Variants in FSTL5 observed in about 807,000 individuals in gnomAD.
The protein encoded by FSTL5 is follistatin like 5.
FSTL5 carries 62 observed loss-of-function variants against 89.1 expected under a neutral mutation model. The ratio of observed to expected loss-of-function variants is 0.70; its 90% CI spans 0.57 to 0.86. The LOEUF (loss-of-function observed/expected upper bound fraction) is 0.86, where lower values mean the gene tolerates loss of function less well. Among genes scored for constraint, FSTL5 ranks in the 40% least tolerant of loss-of-function variants. FSTL5 has a pLI of 0.00. For missense variants in FSTL5, 1,057 were observed against 1,001.6 expected (o/e 1.06, Z -0.75); for synonymous variants, 383 against 346.2 (o/e 1.11, Z -1.18).
At chr4:161,696,270 A>G (rs1738162274) in intron 6 of FSTL5, among the ~76,000 whole-genome samples, 1 of 152,048 alleles carries the variant, frequency 6.6e-6, no homozygotes, top group Admixed American at 6.6e-5. Flanking sequence ...ATTGGCTGTA[A>G]GTATTTGGGT....
At chr4:161,456,069 G>C (rs558458220) in intron 14 of FSTL5, among the ~76,000 whole-genome samples, 2 of 152,088 alleles carry the variant, frequency 1.3e-5, no homozygotes, top group African/African-American at 4.8e-5. Context: ...TACTTTCATT[G>C]AGTTCCATCG....
intron 15 of FSTL5, among the ~76,000 whole-genome samples, chr4:161,437,062 T>G (rs1426200086): frequency 6.6e-6 from 1 of 152,136 alleles, no homozygotes; most frequent in African/African-American, 2.4e-5. Context: ...AGTTATGCTA[T>G]TATAAAAGCT....
At chr4:161,934,995 A>G (rs1022770961) in intron 3 of FSTL5, among the ~76,000 whole-genome samples, 1 of 152,172 alleles carries the variant, frequency 6.6e-6, no homozygotes, top group Non-Finnish European at 1.5e-5. Flanking sequence ...AGATGGTTCA[A>G]TTATGGTGCA....
intron 4 of FSTL5, among the ~76,000 whole-genome samples, chr4:161,803,796 G>T (rs560919602): frequency 2.6e-5 from 4 of 152,026 alleles, no homozygotes; most frequent in Non-Finnish European, 4.4e-5. Flanking sequence ...CAACTCAACT[G>T]TATTATCTGA....
chr4:161,569,173 A>G (rs1032314773), intron 8 of FSTL5, among the ~76,000 whole-genome samples: 1 of 152,150 alleles, frequency 6.6e-6, no homozygotes, highest in African/African-American at 2.4e-5. Flanking sequence ...TGGAGATGAG[A>G]TCTCACTATG....
At chr4:161,712,407 T>C (rs969918706) in intron 6 of FSTL5, among the ~76,000 whole-genome samples, 2 of 152,168 alleles carry the variant, frequency 1.3e-5, no homozygotes, top group African/African-American at 4.8e-5. Context: ...AATTTGACCA[T>C]GGGATTAACC....
chr4:162,106,981 A>C (rs1033121267), intron 2 of FSTL5, among the ~76,000 whole-genome samples: 1 of 152,202 alleles, frequency 6.6e-6, no homozygotes, highest in Non-Finnish European at 1.5e-5. Context: ...ATCCAATGTG[A>C]ATTATGATAT....
rs1394869228 is a variant in FSTL5, at chr4:161,741,609, C to A, written c.727+17802G>T. 3.3e-5 allele frequency among the ~76,000 whole-genome samples: 5 copies of A among 151,724 alleles called. No individual in the cohort carries two copies. In the East Asian group the frequency reaches 9.7e-4, roughly 29 times the overall value. On this transcript the variant is annotated intron_variant, in intron 6 of 15. Coordinates refer to ENST00000306100, the MANE Select transcript of FSTL5 (RefSeq NM_020116.5). ...TTCCAGATCTAAGGAATCCTCCAAC[C>A]TAATGAAGAATGAAGCAAAATACAC...
chr4:161,982,340 A>G (rs2111051760), intron 3 of FSTL5, among the ~76,000 whole-genome samples: 1 of 152,328 alleles, frequency 6.6e-6, no homozygotes, highest in African/African-American at 2.4e-5. Context: ...TATTCATAGG[A>G]AATTGAAACC....
intron 15 of FSTL5, among the ~76,000 whole-genome samples, chr4:161,402,142 A>G (rs1731198810): frequency 6.6e-6 from 1 of 152,166 alleles, no homozygotes; most frequent in Admixed American, 6.5e-5. Flanking sequence ...TAACACTTTT[A>G]ATGGAAGCCT....
At chr4:161,491,734 C>A (rs980540841) in intron 12 of FSTL5, among the ~76,000 whole-genome samples, 1 of 151,558 alleles carries the variant, frequency 6.6e-6, no homozygotes, top group African/African-American at 2.4e-5. Context: ...CCAGCTACTG[C>A]AGAGCTGAGG....
intron 2 of FSTL5, among the ~76,000 whole-genome samples, chr4:162,068,097 A>T (rs976961930): frequency 3.3e-5 from 5 of 152,152 alleles, no homozygotes; most frequent in Non-Finnish European, 7.3e-5. Flanking sequence ...GAATAAGAAG[A>T]ATCAATATCA....
chr4:161,552,823 C>CT (rs770081850), intron 8 of FSTL5, among the ~76,000 whole-genome samples: 1 of 151,632 alleles, frequency 6.6e-6, no homozygotes, highest in Non-Finnish European at 1.5e-5. Context: ...AAGTAGCTTA[C>CT]TTTTCCCAGG....
intron 4 of FSTL5, among the ~76,000 whole-genome samples, chr4:161,874,922 T>C (rs1732389683): frequency 6.6e-6 from 1 of 152,208 alleles, no homozygotes; most frequent in Non-Finnish European, 1.5e-5. Flanking sequence ...CTATGAGTTA[T>C]GTATACATAC....
intron 3 of FSTL5, among the ~76,000 whole-genome samples, chr4:162,029,154 AGAGAGAGAGAGAGT>A (rs1257892379): frequency 9.4e-6 from 1 of 106,514 alleles, no homozygotes; most frequent in East Asian, 2.7e-4. Context: ...AGGGAGAGAG[AGAGAGAGAGAGAGT>A]GTGTGTGTGT....
At chr4:161,699,888 T>C (rs1373291545) in intron 6 of FSTL5, among the ~76,000 whole-genome samples, 2 of 152,166 alleles carry the variant, frequency 1.3e-5, no homozygotes, top group East Asian at 3.9e-4. Context: ...TGTTCCATGT[T>C]GTTTTTAAAA....
chr4:161,443,701 G>C, intron 15 of FSTL5, among the ~76,000 whole-genome samples: 1 of 152,016 alleles, frequency 6.6e-6, no homozygotes, highest in East Asian at 1.9e-4. Context: ...ACGACTAGAG[G>C]AGCAGGAAAA....
intron 4 of FSTL5, among the ~76,000 whole-genome samples, chr4:161,797,902 T>C (rs1560851990): frequency 6.6e-6 from 1 of 151,782 alleles, no homozygotes; most frequent in South Asian, 2.1e-4. Context: ...TTTTGACCCA[T>C]GAATGTTATG....
chr4:161,966,601 T>C (rs940851906), intron 3 of FSTL5, among the ~76,000 whole-genome samples: 1 of 151,970 alleles, frequency 6.6e-6, no homozygotes, highest in Admixed American at 6.6e-5. Context: ...ATAATGTACA[T>C]AAAAAATAAT....
Sources: gnomAD v4.1 joint callset for allele counts (sites outside exome capture counted in the v4.1 genomes callset) on GRCh38, gnomAD v4.1.1 for gene constraint, MANE v1.5 for transcripts, NCBI Gene and HGNC (gene_info 2026-07-23, HGNC 2026-07-21) for gene names.